MAPK4: variants seen among roughly 807,000 people sequenced by gnomAD.
MAPK4 encodes Erk3-related.
In MAPK4, 22 loss-of-function variants were observed where a neutral mutation model predicts 47.7. The observed-to-expected ratio is 0.46, with a 90% CI of 0.33 to 0.66. The LOEUF (loss-of-function observed/expected upper bound fraction) is 0.66, where lower values mean the gene tolerates loss of function less well. Among genes scored for constraint, MAPK4 ranks in the 30% least tolerant of loss-of-function variants. The pLI, the probability that MAPK4 is intolerant of heterozygous loss-of-function variation, is 0.02. For synonymous variants in MAPK4, 390 were observed against 365.7 expected, an observed-to-expected ratio of 1.07 and a Z score of -0.76; for missense variants, 736 against 831.7, an observed-to-expected ratio of 0.88 and a Z score of 1.42.
chr18:50,614,998 A>C (rs1228106231), intron 1 of MAPK4, among the ~76,000 whole-genome samples: 1 of 152,220 alleles, frequency 6.6e-6, no homozygotes, highest in Non-Finnish European at 1.5e-5. Flanking sequence ...TGGCGATGTC[A>C]CAATCCCCAA....
chr18:50,711,317 G>C (rs1445270838), intron 2 of MAPK4, among the ~76,000 whole-genome samples: 3 of 152,180 alleles, frequency 2.0e-5, no homozygotes, highest in African/African-American at 7.2e-5. Flanking sequence ...AATAGCTGAC[G>C]AAAGTCCCAA....
intron 1 of MAPK4, among the ~76,000 whole-genome samples, chr18:50,606,747 A>G (rs755759114): frequency 2.6e-5 from 4 of 152,234 alleles, no homozygotes; most frequent in Admixed American, 6.5e-5. Context: ...AAGCAGTCAC[A>G]GATACTGTGC....
intron 1 of MAPK4, among the ~76,000 whole-genome samples, chr18:50,604,047 G>T (rs1173513294): frequency 1.3e-5 from 2 of 152,200 alleles, no homozygotes; most frequent in African/African-American, 4.8e-5. Flanking sequence ...CCATCAAGGA[G>T]TGACTGCTGA....
intron 1 of MAPK4, among the ~76,000 whole-genome samples, chr18:50,614,598 G>A (rs542289759): frequency 1.1e-4 from 16 of 151,966 alleles, no homozygotes; most frequent in African/African-American, 2.4e-4. Context: ...AAAATATCCC[G>A]TATACCTCAT....
chr18:50,577,663 A>G (rs1598790258), intron 1 of MAPK4, among the ~76,000 whole-genome samples: 2 of 152,340 alleles, frequency 1.3e-5, no homozygotes, highest in South Asian at 2.1e-4. Context: ...AGAAGCGTTT[A>G]TAAAAATGTT....
chr18:50,572,355 T>G (rs1167626244), intron 1 of MAPK4, among the ~76,000 whole-genome samples: 1 of 152,172 alleles, frequency 6.6e-6, no homozygotes. Flanking sequence ...ACTATTTTCT[T>G]GAGCTGAATG....
At chr18:50,710,712 G>A (rs555377945) in intron 2 of MAPK4, among the ~76,000 whole-genome samples, 46 of 152,102 alleles carry the variant, frequency 3.0e-4, no homozygotes, top group East Asian at 2.3e-3. Context: ...CCCGGGAGGC[G>A]GAGCTTGCAG....
In MAPK4 at chr18:50,663,779, A is replaced by G. The variant is rs1335706820; in HGVS notation, c.-180A>G. 34 of 584,168 alleles carry G rather than the reference A, an allele frequency of 5.8e-5. No individual in the cohort carries two copies. The Admixed American group carries it at 1.0e-3, about 18-fold the overall frequency. 36.2% of individuals were successfully genotyped at this position (584,168 alleles called of 1,614,324 possible). A position where few individuals can be genotyped will look rare whatever the true frequency, so the allele number is the denominator to read the frequency against. On this transcript the variant is annotated 5_prime_UTR_variant, in exon 2 of 6. An upstream start codon of the reference 5' UTR is lost. Coordinates refer to ENST00000400384, the MANE Select transcript of MAPK4 (RefSeq NM_002747.4). ...CCCCAACTAGCACAGCTCAGCGAGC[A>G]TGACCATATGCCATTCTCGTCTCCA...
intron 2 of MAPK4, among the ~76,000 whole-genome samples, chr18:50,695,278 G>A (rs144781787): frequency 0.011 from 1,614 of 150,516 alleles, 24 homozygotes; most frequent in Admixed American, 0.035. Context: ...CCCGGGAGGC[G>A]GAGGTTACAG....
At chr18:50,562,782 T>C (rs923156053) in intron 1 of MAPK4, among the ~76,000 whole-genome samples, 2 of 152,236 alleles carry the variant, frequency 1.3e-5, no homozygotes, top group Admixed American at 6.5e-5. Flanking sequence ...AGTCTTTGTC[T>C]TAAAGAACTC....
In MAPK4 at chr18:50,684,505, C is replaced by T. The variant is rs188235639; in HGVS notation, c.546+20001C>T. ...AGGCTACAGTGAGCCGTAATCAAGC[C>T]ACTATACTCCAGCCTGGGTGAGAGA... is the stretch of plus-strand genomic sequence containing the variant. On this transcript the variant is annotated intron_variant, in intron 2 of 5. Coordinates refer to ENST00000400384, the MANE Select transcript of MAPK4 (RefSeq NM_002747.4). Among the ~76,000 whole-genome samples the T allele has an allele frequency of 9.8e-4, 149 of 151,424 alleles. 4 individuals carry two copies. The highest frequency in any genetic ancestry group is 8.8e-3 in the Admixed American group (134 of 15,208).
At chr18:50,665,078 T>C (rs185963162) in intron 2 of MAPK4, among the ~76,000 whole-genome samples, 6 of 152,352 alleles carry the variant, frequency 3.9e-5, no homozygotes, top group Non-Finnish European at 7.3e-5. Context: ...GGTCCCGTGA[T>C]GCTCTTGCTT....
intron 2 of MAPK4, among the ~76,000 whole-genome samples, chr18:50,683,651 A>G (rs1908710938): frequency 6.6e-6 from 1 of 152,228 alleles, no homozygotes; most frequent in Non-Finnish European, 1.5e-5. Context: ...ACAAGACTCT[A>G]GACAAGGTTC....
chr18:50,611,137 C>A (rs748318698), intron 1 of MAPK4, among the ~76,000 whole-genome samples: 1 of 152,170 alleles, frequency 6.6e-6, no homozygotes, highest in Non-Finnish European at 1.5e-5. Flanking sequence ...TTCTCGCTTA[C>A]GTGACAAAAT....
intron 1 of MAPK4, among the ~76,000 whole-genome samples, chr18:50,575,282 G>A (rs73430648): frequency 0.04 from 6,045 of 152,222 alleles, 436 homozygotes; most frequent in African/African-American, 0.14. Context: ...CACTGAACCT[G>A]CCAGTTCCTT....
At chr18:50,716,209 C>A (rs930017846) in intron 3 of MAPK4, among the ~76,000 whole-genome samples, 1 of 152,140 alleles carries the variant, frequency 6.6e-6, no homozygotes, top group Non-Finnish European at 1.5e-5. Context: ...ATGGTTCACG[C>A]CCCCTCCATC....
At chr18:50,633,022 T>C (rs780628951) in intron 1 of MAPK4, among the ~76,000 whole-genome samples, 2 of 152,192 alleles carry the variant, frequency 1.3e-5, no homozygotes, top group Non-Finnish European at 2.9e-5. Flanking sequence ...TGGAGTAATT[T>C]ACTAAAAGCC....
chr18:50,643,377 G>A lies in MAPK4; in HGVS notation c.-870-19712G>A, dbSNP rs116560902. The stretch of plus-strand genomic sequence containing the variant: ...AAAATGCAAACATTAGCCAGGCATG[G>A]CATGGTGGTGCACACTTGTAATCCC... On this transcript the variant is annotated intron_variant, in intron 1 of 5. Coordinates refer to ENST00000400384, the MANE Select transcript of MAPK4 (RefSeq NM_002747.4). Among the ~76,000 whole-genome samples, 687 of 152,338 alleles carry A rather than the reference G, an allele frequency of 4.5e-3. 4 individuals carry two copies. The highest frequency in any genetic ancestry group is 0.015 in the African/African-American group (623 of 41,568).
chr18:50,688,210 C>T (rs1481403150), intron 2 of MAPK4, among the ~76,000 whole-genome samples: 4 of 152,122 alleles, frequency 2.6e-5, no homozygotes, highest in Non-Finnish European at 4.4e-5. Flanking sequence ...TCTGAAGAGA[C>T]GAGGCTGGGC....
Sources: allele counts gnomAD v4.1 joint callset (sites outside exome capture counted in the v4.1 genomes callset), GRCh38; gene constraint gnomAD v4.1.1; transcripts MANE v1.5; gene names NCBI Gene and HGNC (gene_info 2026-07-23, HGNC 2026-07-21).